NELL2: variants seen among roughly 807,000 people sequenced by gnomAD.
NELL2 encodes protein kinase C-binding protein NELL2.
NELL2 carries 41 observed loss-of-function variants against 109.6 expected under a neutral mutation model. That is an observed-to-expected ratio of 0.37 (90% CI 0.29 to 0.49). The LOEUF (loss-of-function observed/expected upper bound fraction) is 0.49. Ranked by LOEUF, NELL2 falls within the 20% of genes least tolerant of loss-of-function variation. The pLI, the probability that NELL2 is intolerant of heterozygous loss-of-function variation, is 0.98. For missense variants in NELL2, 900 were observed against 1,008.3 expected (o/e 0.89, Z 1.45); for synonymous variants, 355 against 344.7 (o/e 1.03, Z -0.33).
intron 3 of NELL2, among the ~76,000 whole-genome samples, 172 bp from the exon 4 acceptor site, chr12:44,780,194 G>A (rs1342397926): frequency 6.6e-6 from 1 of 152,050 alleles, no homozygotes; most frequent in Non-Finnish European, 1.5e-5. Flanking sequence ...GAGAAAAAAA[G>A]ATATTCAGGA....
intron 3 of NELL2, among the ~76,000 whole-genome samples, chr12:44,790,564 C>G (rs1212373193): frequency 6.6e-6 from 1 of 151,416 alleles, no homozygotes; most frequent in Non-Finnish European, 1.5e-5. Flanking sequence ...AACAAAAATA[C>G]AACGTAAAAA....
chr12:44,529,020 G>A (rs1277414640), intron 16 of NELL2, among the ~76,000 whole-genome samples: 1 of 152,196 alleles, frequency 6.6e-6, no homozygotes, highest in African/African-American at 2.4e-5. Flanking sequence ...GAGAGGTGGA[G>A]AGGCTCCACG....
intron 10 of NELL2, among the ~76,000 whole-genome samples, chr12:44,713,046 T>G (rs1407499422): frequency 6.6e-6 from 1 of 151,888 alleles, no homozygotes; most frequent in East Asian, 1.9e-4. Context: ...TAAAGACTTC[T>G]AACTGAACCT....
intron 12 of NELL2, among the ~76,000 whole-genome samples, chr12:44,673,936 A>T (rs1424002179): frequency 1.4e-5 from 2 of 143,998 alleles, no homozygotes; most frequent in Non-Finnish European, 3.1e-5. Context: ...GAGACACTTT[A>T]AAAAAAAAAA....
At chr12:44,652,476 C>T (rs1433404011) in intron 13 of NELL2, among the ~76,000 whole-genome samples, 2 of 152,138 alleles carry the variant, frequency 1.3e-5, no homozygotes, top group African/African-American at 4.8e-5. Context: ...AAAAGCAACT[C>T]AATCATTAAA....
chr12:44,660,746 C>A (rs1947712132), intron 13 of NELL2, among the ~76,000 whole-genome samples: 1 of 152,104 alleles, frequency 6.6e-6, no homozygotes, highest in Non-Finnish European at 1.5e-5. Context: ...AATCAGAATT[C>A]CTTTTTTGTT....
intron 2 of NELL2, among the ~76,000 whole-genome samples, chr12:44,835,332 A>G (rs1944021658): frequency 6.6e-6 from 1 of 152,226 alleles, no homozygotes; most frequent in Non-Finnish European, 1.5e-5. Flanking sequence ...GGGAAAAATC[A>G]TTAATGTGTT....
At position 44,713,211 on chromosome 12, in the gene NELL2, C is replaced by G. The variant is rs61932410; in HGVS notation, c.1086+1439G>C. 2.5e-3 allele frequency among the ~76,000 whole-genome samples: 247 copies of G among 100,732 alleles called. 1 individual carries two copies. The highest frequency in any genetic ancestry group is 5.4e-3 in the East Asian group (21 of 3,908). 66.1% of individuals were successfully genotyped at this position (100,732 alleles called of 152,430 possible). A position where few individuals can be genotyped will look rare whatever the true frequency, so the allele number is the denominator to read the frequency against. ...ACACACACACACACACACACACACACACACAGAGAGAGACAGAGAGAGAGA... is the reference window on the plus strand; with the variant it reads ...ACACACACACACACACACACACACAGACACAGAGAGAGACAGAGAGAGAGA... On this transcript the variant is annotated intron_variant, in intron 10 of 19. Transcript: ENST00000429094.
intron 1 of NELL2, among the ~76,000 whole-genome samples, chr12:44,903,879 G>T (rs557148320): frequency 6.6e-6 from 1 of 150,704 alleles, no homozygotes; most frequent in East Asian, 2.0e-4. Flanking sequence ...CACACACTGG[G>T]GCCTGTCGGG....
intron 11 of NELL2, among the ~76,000 whole-genome samples, chr12:44,709,434 G>A (rs1938071427): frequency 6.6e-6 from 1 of 152,132 alleles, no homozygotes; most frequent in Non-Finnish European, 1.5e-5. Context: ...TAACCAACAT[G>A]TAGTGAGGCC....
At position 44,875,281 on chromosome 12, in the gene NELL2, G is replaced by A; in HGVS notation, c.128C>T (p.Thr43Ile). The A allele has an allele frequency of 6.2e-7, 1 of 1,614,136 alleles. No homozygotes were observed. Among genetic ancestry groups the A allele is most frequent in the Non-Finnish European group, 8.5e-7 (1 of 1,180,032 alleles). The change falls in exon 2 of 20, where the codon ACC becomes ATC. Residue 43 changes from threonine to isoleucine, a missense_variant. Physicochemically the swap from Thr to Ile is moderately conservative, Grantham distance 89. Around this residue, in one of 4 missense-constraint regions of NELL2, gnomAD observed 200 missense variants for 191.8 expected, o/e 1.04. Coordinates refer to ENST00000429094, the MANE Select transcript of NELL2 (RefSeq NM_001145108.2). ...LTELELGEST[T>I]GVRQVPGLHN... ...CAGCCCCGGGACCTGACGCACTCCG[G>A]TCGTGGACTCCCCAAGTTCTAACTC...
chr12:44,531,232 G>GT (rs1385102784), intron 16 of NELL2, among the ~76,000 whole-genome samples: 1 of 152,178 alleles, frequency 6.6e-6, no homozygotes, highest in Non-Finnish European at 1.5e-5. Flanking sequence ...ACATGCTTCT[G>GT]TATGATTTGC....
intron 2 of NELL2, among the ~76,000 whole-genome samples, chr12:44,858,652 T>A (rs1288800177): frequency 6.6e-6 from 1 of 152,202 alleles, no homozygotes; most frequent in Non-Finnish European, 1.5e-5. Flanking sequence ...ACAACAACAG[T>A]ATTCACCAAT....
chr12:44,565,052 GA>G (rs1417421576), intron 15 of NELL2, among the ~76,000 whole-genome samples: 1 of 152,108 alleles, frequency 6.6e-6, no homozygotes, highest in Non-Finnish European at 1.5e-5. Flanking sequence ...TATGAAATCA[GA>G]ATCCCAGGTA....
At chr12:44,571,086 G>C (rs376061857) in intron 15 of NELL2, among the ~76,000 whole-genome samples, 2 of 152,112 alleles carry the variant, frequency 1.3e-5, no homozygotes, top group Non-Finnish European at 2.9e-5. Context: ...AAGGCAGGTA[G>C]AATCTTATAA....
chr12:44,690,427 G>C (rs1948863226), intron 12 of NELL2, among the ~76,000 whole-genome samples: 1 of 151,974 alleles, frequency 6.6e-6, no homozygotes, highest in African/African-American at 2.4e-5. Flanking sequence ...TGCAGGTTCT[G>C]ATTCAGAAGG....
intron 9 of NELL2, among the ~76,000 whole-genome samples, chr12:44,742,799 C>G (rs901806401): frequency 1.3e-5 from 2 of 152,024 alleles, no homozygotes; most frequent in Non-Finnish European, 2.9e-5. Flanking sequence ...AATGGGACTA[C>G]GTGAAAAGAC....
intron 2 of NELL2, among the ~76,000 whole-genome samples, chr12:44,817,405 T>G (rs546120622): frequency 1.3e-5 from 2 of 152,178 alleles, no homozygotes; most frequent in South Asian, 4.1e-4. Flanking sequence ...CACACAGACC[T>G]TGAGACACTC....
At chr12:44,794,484 C>T (rs567610254) in intron 3 of NELL2, among the ~76,000 whole-genome samples, 1 of 152,090 alleles carries the variant, frequency 6.6e-6, no homozygotes, top group South Asian at 2.1e-4. Context: ...GGTAGTACCT[C>T]CTTGTGCTGG....
Sources: allele counts gnomAD v4.1 joint callset (sites outside exome capture counted in the v4.1 genomes callset), GRCh38; gene constraint gnomAD v4.1.1; regional missense constraint gnomAD v4.1.1; transcripts MANE v1.5; gene names NCBI Gene and HGNC (gene_info 2026-07-23, HGNC 2026-07-21).